Variants in ELMO1 observed in about 807,000 individuals in gnomAD.
ELMO1 encodes the protein engulfment and cell motility protein 1.
Under a neutral mutation model 98.9 loss-of-function variants are expected in ELMO1, and 26 were observed. The ratio of observed to expected loss-of-function variants is 0.26; its 90% CI spans 0.19 to 0.36. ELMO1 has a LOEUF of 0.36. Ranked by LOEUF, ELMO1 falls within the 10% of genes least tolerant of loss-of-function variation. ELMO1 has a pLI of 1.00. For synonymous variants in ELMO1, 346 were observed against 346.0 expected, an observed-to-expected ratio of 1.00 and a Z score of 0.00; for missense variants, 627 against 935.2, an observed-to-expected ratio of 0.67 and a Z score of 4.30.
chr7:37,162,044 T>A, intron 13 of ELMO1, among the ~76,000 whole-genome samples: 1 of 145,016 alleles, frequency 6.9e-6, no homozygotes, highest in Admixed American at 6.9e-5. Flanking sequence ...AAAAATGGGA[T>A]TAATGGAAGA....
At chr7:37,386,127 T>C (rs970854658) in intron 1 of ELMO1, among the ~76,000 whole-genome samples, 4 of 152,210 alleles carry the variant, frequency 2.6e-5, no homozygotes, top group African/African-American at 9.6e-5. Flanking sequence ...TGCCCAGCCC[T>C]GGAGCTGGTT....
chr7:36,994,578 A>G (rs1204491774), intron 16 of ELMO1, among the ~76,000 whole-genome samples: 1 of 152,200 alleles, frequency 6.6e-6, no homozygotes, highest in East Asian at 1.9e-4. Flanking sequence ...GGATATCTGA[A>G]AACATCTCAA....
At chr7:37,439,226 C>A (rs1193774260) in intron 1 of ELMO1, among the ~76,000 whole-genome samples, 1 of 152,214 alleles carries the variant, frequency 6.6e-6, no homozygotes, top group Non-Finnish European at 1.5e-5. Context: ...TGCCTAAAAG[C>A]CTTTGGCTTT....
chr7:37,448,085 C>G (rs1167074257), intron 1 of ELMO1, among the ~76,000 whole-genome samples: 1 of 152,016 alleles, frequency 6.6e-6, no homozygotes, highest in East Asian at 1.9e-4. Flanking sequence ...GCCCAGACCG[C>G]CCTCTCCGGC....
chr7:36,929,390 T>G (rs1031283145), intron 16 of ELMO1, among the ~76,000 whole-genome samples: 1 of 152,174 alleles, frequency 6.6e-6, no homozygotes, highest in African/African-American at 2.4e-5. Flanking sequence ...CACCAAAGCA[T>G]TGGTAAATAC....
intron 15 of ELMO1, among the ~76,000 whole-genome samples, chr7:37,063,525 T>C (rs1796776138): frequency 6.6e-6 from 1 of 152,196 alleles, no homozygotes; most frequent in Admixed American, 6.5e-5. Flanking sequence ...AACTAAACTA[T>C]AAACATTACC....
intron 1 of ELMO1, among the ~76,000 whole-genome samples, chr7:37,412,602 G>A (rs375030308): frequency 1.5e-5 from 2 of 137,576 alleles, no homozygotes; most frequent in Non-Finnish European, 3.2e-5. Flanking sequence ...TTTCAAGAAT[G>A]TATTGGTTTT....
chr7:36,887,679 G>A lies in ELMO1; in HGVS notation c.1602-7C>T. 6.2e-7 allele frequency: 1 copy of A among 1,613,246 alleles called. No individual in the cohort carries two copies. The highest frequency in any genetic ancestry group is 8.5e-7 in the Non-Finnish European group (1 of 1,179,332). On this transcript the variant is annotated splice_region_variant and splice_polypyrimidine_tract_variant and intron_variant, in intron 17 of 21. Coordinates refer to ENST00000310758, the MANE Select transcript of ELMO1 (RefSeq NM_014800.11). ...AATCTTCTCCTTTAGTTCCCTGTTA[G>A]AGGAAAAACACATATTCCACAGCAT...
intron 16 of ELMO1, among the ~76,000 whole-genome samples, chr7:36,941,330 G>A (rs771359243): frequency 6.6e-6 from 1 of 152,204 alleles, no homozygotes; most frequent in Non-Finnish European, 1.5e-5. Flanking sequence ...CAAGAGCTGA[G>A]AACACTAACT....
chr7:37,062,472 A>G (rs1440641359), intron 15 of ELMO1, among the ~76,000 whole-genome samples: 29 of 152,214 alleles, frequency 1.9e-4, no homozygotes, highest in Admixed American at 1.9e-3. Flanking sequence ...CATCCTTTAG[A>G]CATGTAACTA....
intron 4 of ELMO1, among the ~76,000 whole-genome samples, chr7:37,273,916 C>T (rs1796695217): frequency 6.6e-6 from 1 of 152,082 alleles, no homozygotes; most frequent in Admixed American, 6.6e-5. Context: ...AAAGAACCAC[C>T]CAAAAAGGGG....
chr7:37,287,198 A>C (rs559862675), intron 4 of ELMO1, among the ~76,000 whole-genome samples: 2 of 152,134 alleles, frequency 1.3e-5, no homozygotes, highest in East Asian at 3.9e-4. Context: ...CCTTCTCAAA[A>C]AAAAAAAAAA....
intron 1 of ELMO1, among the ~76,000 whole-genome samples, chr7:37,432,502 C>A (rs1044919846): frequency 6.6e-6 from 1 of 152,186 alleles, no homozygotes; most frequent in Non-Finnish European, 1.5e-5. Flanking sequence ...CAGCTCTGCA[C>A]TTGAACATCA....
chr7:37,439,807 A>C (rs1805316572), intron 1 of ELMO1, among the ~76,000 whole-genome samples: 1 of 152,224 alleles, frequency 6.6e-6, no homozygotes, highest in Non-Finnish European at 1.5e-5. Flanking sequence ...GCTTCCTGGC[A>C]GTGGAGTAAG....
chr7:37,062,143 G>A (rs1053492613), intron 15 of ELMO1, among the ~76,000 whole-genome samples: 1 of 152,180 alleles, frequency 6.6e-6, no homozygotes, highest in Non-Finnish European at 1.5e-5. Flanking sequence ...ATATGCAAAT[G>A]TTAGGCTAAA....
chr7:37,235,914 T>C (rs1200626691), intron 7 of ELMO1, among the ~76,000 whole-genome samples: 1 of 152,134 alleles, frequency 6.6e-6, no homozygotes, highest in African/African-American at 2.4e-5. Flanking sequence ...AGTGACTCTG[T>C]CTCGAAGAAA....
chr7:37,145,034 C>T (rs1162356202), intron 13 of ELMO1, among the ~76,000 whole-genome samples: 1 of 152,130 alleles, frequency 6.6e-6, no homozygotes, highest in Admixed American at 6.5e-5. Flanking sequence ...AAAAACTGAG[C>T]CCCTGGTGGA....
chr7:37,160,060 T>C (rs975387037), intron 13 of ELMO1, among the ~76,000 whole-genome samples: 1 of 152,214 alleles, frequency 6.6e-6, no homozygotes, highest in Non-Finnish European at 1.5e-5. Context: ...TTTCAGGACT[T>C]TGTGCTTTAA....
intron 16 of ELMO1, among the ~76,000 whole-genome samples, chr7:36,923,645 G>A (rs1785314271): frequency 6.6e-6 from 1 of 152,102 alleles, no homozygotes; most frequent in South Asian, 2.1e-4. Context: ...TTACCTCTTT[G>A]GGATAAGGAT....
Sources: allele counts gnomAD v4.1 joint callset (sites outside exome capture counted in the v4.1 genomes callset), GRCh38; gene constraint gnomAD v4.1.1; transcripts MANE v1.5; gene names NCBI Gene and HGNC (gene_info 2026-07-23, HGNC 2026-07-21).